The following SPIRE1 variants were observed in gnomAD, a reference collection of about 807,000 sequenced individuals.
The protein encoded by SPIRE1 is protein spire homolog 1.
Under a neutral mutation model 94.1 loss-of-function variants are expected in SPIRE1, and 40 were observed. The ratio of observed to expected loss-of-function variants is 0.43; its 90% confidence interval spans 0.33 to 0.55. The LOEUF (loss-of-function observed/expected upper bound fraction) is 0.55, where lower values mean the gene tolerates loss of function less well. SPIRE1 is among the 20% of genes least tolerant of loss of function. The pLI, the probability that SPIRE1 is intolerant of heterozygous loss-of-function variation, is 0.06. For missense variants in SPIRE1, 838 were observed against 975.2 expected (o/e 0.86, Z 1.87); for synonymous variants, 376 against 371.7 (o/e 1.01, Z -0.13).
chr18:12,644,546 G>A (rs1050713685), intron 1 of SPIRE1, among the ~76,000 whole-genome samples: 2 of 152,074 alleles, frequency 1.3e-5, no homozygotes, highest in Non-Finnish European at 2.9e-5. Flanking sequence ...AAAATATATG[G>A]AAATCCATAA....
chr18:12,449,978 T>C, intron 16 of SPIRE1, 82 bp from the exon 17 acceptor site: 1 of 1,398,698 alleles, frequency 7.1e-7, no homozygotes, highest in Admixed American at 2.3e-5. Flanking sequence ...TAAAAAAAAG[T>C]AAATTTGTTG....
intron 4 of SPIRE1, among the ~76,000 whole-genome samples, chr18:12,526,349 T>C (rs923453281): frequency 6.6e-6 from 1 of 152,226 alleles, no homozygotes; most frequent in Non-Finnish European, 1.5e-5. Flanking sequence ...CCTCAGCATT[T>C]GGGTCTCAGC....
At chr18:12,599,074 T>C (rs964819036) in intron 2 of SPIRE1, among the ~76,000 whole-genome samples, 2 of 152,134 alleles carry the variant, frequency 1.3e-5, no homozygotes, top group Non-Finnish European at 2.9e-5. Context: ...TTTATGCCCA[T>C]CTCTTCTCCA....
At chr18:12,463,525 C>T in intron 11 of SPIRE1, 32 bp from the exon 12 acceptor site, 1 of 1,576,478 alleles carries the variant, frequency 6.3e-7, no homozygotes, top group African/African-American at 1.4e-5. Context: ...ATAAAACTTA[C>T]TGTGAATTTT....
chr18:12,639,473 C>A (rs1598571724), intron 1 of SPIRE1, among the ~76,000 whole-genome samples: 2 of 152,184 alleles, frequency 1.3e-5, no homozygotes, highest in South Asian at 4.1e-4. Flanking sequence ...GTGGCTCATA[C>A]CTGCCATCCG....
At chr18:12,476,644 A>G (rs1208818855) in intron 10 of SPIRE1, among the ~76,000 whole-genome samples, 2 of 147,660 alleles carry the variant, frequency 1.4e-5, no homozygotes, top group East Asian at 1.9e-4. Flanking sequence ...CATATATATA[A>G]AAGAATTTCA....
At chr18:12,554,310 A>G (rs1240916444) in intron 2 of SPIRE1, among the ~76,000 whole-genome samples, 6 of 151,670 alleles carry the variant, frequency 4.0e-5, no homozygotes, top group Non-Finnish European at 7.4e-5. Flanking sequence ...AAAAAAAAAA[A>G]AAAAAAGAAC....
At chr18:12,452,553 G>A (rs1424290854) in intron 14 of SPIRE1, 41 bp from the exon 15 acceptor site, 1 of 1,609,588 alleles carries the variant, frequency 6.2e-7, no homozygotes, top group Non-Finnish European at 8.5e-7. Flanking sequence ...ATGATACCAG[G>A]GGACGCAACT....
intron 2 of SPIRE1, among the ~76,000 whole-genome samples, chr18:12,587,809 TAA>T (rs570676183): frequency 3.9e-5 from 6 of 152,218 alleles, no homozygotes; most frequent in African/African-American, 1.4e-4. Flanking sequence ...AATTGCTTAA[TAA>T]AAAAACTCTG....
intron 2 of SPIRE1, among the ~76,000 whole-genome samples, chr18:12,548,861 T>C (rs1363457047): frequency 6.6e-6 from 1 of 152,184 alleles, no homozygotes; most frequent in Non-Finnish European, 1.5e-5. Context: ...GCAATGGGCC[T>C]GCCTCGGCCT....
intron 3 of SPIRE1, 94 bp downstream of exon 3, chr18:12,546,580 G>C: frequency 2.1e-6 from 2 of 945,322 alleles, no homozygotes; most frequent in Non-Finnish European, 3.4e-6. Flanking sequence ...TAGCCTGGGC[G>C]ACAGAGTGAG....
chr18:12,586,995 T>C (rs2036406785), intron 2 of SPIRE1, among the ~76,000 whole-genome samples: 1 of 152,260 alleles, frequency 6.6e-6, no homozygotes, highest in African/African-American at 2.4e-5. Context: ...ACTTCACCTG[T>C]GCCAAGCACT....
upstream of SPIRE1, among the ~76,000 whole-genome samples, chr18:12,660,305 A>G (rs147991778): frequency 4.0e-5 from 6 of 148,718 alleles, no homozygotes; most frequent in Admixed American, 6.8e-5. Flanking sequence ...CCCTCTAATC[A>G]ATGGAAAAAG....
intron 10 of SPIRE1, among the ~76,000 whole-genome samples, chr18:12,466,990 A>G (rs191264098): frequency 3.9e-5 from 6 of 152,320 alleles, no homozygotes; most frequent in African/African-American, 1.4e-4. Flanking sequence ...TCAAACAAAA[A>G]AGGGCTAGGC....
intron 4 of SPIRE1, among the ~76,000 whole-genome samples, chr18:12,528,256 C>A (rs2144147116): frequency 6.6e-6 from 1 of 152,190 alleles, no homozygotes; most frequent in Middle Eastern, 3.4e-3. Context: ...CAAACATGGT[C>A]CTTGCCCTTA....
chr18:12,612,800 A>G (rs1036477641), intron 2 of SPIRE1, among the ~76,000 whole-genome samples: 1 of 152,130 alleles, frequency 6.6e-6, no homozygotes, highest in African/African-American at 2.4e-5. Flanking sequence ...GCCTGCCAAT[A>G]CTGATCTCTC....
chr18:12,508,973 C>T (rs569104568), intron 5 of SPIRE1, among the ~76,000 whole-genome samples: 55 of 152,298 alleles, frequency 3.6e-4, no homozygotes, highest in Non-Finnish European at 5.4e-4. Context: ...CTGTGCCTGG[C>T]CCACACTTTG....
At chr18:12,495,926 C>T in intron 7 of SPIRE1, 90 bp downstream of exon 7, 4 of 968,864 alleles carry the variant, frequency 4.1e-6, no homozygotes, top group Non-Finnish European at 6.4e-6. Flanking sequence ...GAAAAACCAC[C>T]TAGGAAAGCT....
At chr18:12,566,087 G>T (rs1460056036) in intron 2 of SPIRE1, among the ~76,000 whole-genome samples, 2 of 151,446 alleles carry the variant, frequency 1.3e-5, no homozygotes. Flanking sequence ...TATAATCCCA[G>T]CACTTTGGGA....
Sources: gnomAD v4.1 joint callset for allele counts (sites outside exome capture counted in the v4.1 genomes callset) on GRCh38, gnomAD v4.1.1 for gene constraint, MANE v1.5 for transcripts, NCBI Gene and HGNC (gene_info 2026-07-23, HGNC 2026-07-21) for gene names.